CSMD2: variants seen among roughly 807,000 people sequenced by gnomAD.
CSMD2 encodes CUB and sushi domain-containing protein 2.
A neutral mutation model predicts 398.5 loss-of-function variants in CSMD2; 130 were observed. The ratio of observed to expected loss-of-function variants is 0.33; its 90% CI spans 0.28 to 0.38. CSMD2 has a LOEUF of 0.38. CSMD2 is among the 10% of genes least tolerant of loss of function. The pLI, the probability that CSMD2 is intolerant of heterozygous loss-of-function variation, is 1.00. For missense variants in CSMD2, 3,829 were observed against 4,764.9 expected (o/e 0.80, Z 5.78); for synonymous variants, 1,828 against 1,908.5 (o/e 0.96, Z 1.10).
At chr1:34,021,458 C>G (rs1305982509) in intron 3 of CSMD2, among the ~76,000 whole-genome samples, 1 of 152,176 alleles carries the variant, frequency 6.6e-6, no homozygotes, top group African/African-American at 2.4e-5. Flanking sequence ...GGTCCCCACC[C>G]AGTGGTTCTT....
At chr1:34,098,154 A>G (rs1659564017) in intron 1 of CSMD2, among the ~76,000 whole-genome samples, 3 of 125,344 alleles carry the variant, frequency 2.4e-5, no homozygotes, top group South Asian at 3.0e-4. Flanking sequence ...TCAGTAAACT[A>G]TCACAAGAAC....
intron 70 of CSMD2, among the ~76,000 whole-genome samples, chr1:33,517,418 G>A (rs1176815980): frequency 6.6e-6 from 1 of 152,196 alleles, no homozygotes; most frequent in African/African-American, 2.4e-5. Context: ...CAGGTGTGGA[G>A]CAAGAGTGAC....
At chr1:33,828,107 A>G (rs1318837833) in intron 6 of CSMD2, among the ~76,000 whole-genome samples, 1 of 152,216 alleles carries the variant, frequency 6.6e-6, no homozygotes, top group East Asian at 1.9e-4. Flanking sequence ...GATAAAATTC[A>G]GTTATTACCA....
intron 10 of CSMD2, among the ~76,000 whole-genome samples, chr1:33,805,488 T>A (rs1331550939): frequency 6.6e-6 from 1 of 152,200 alleles, no homozygotes; most frequent in Non-Finnish European, 1.5e-5. Context: ...GGTAAAATTT[T>A]AAAATGACAA....
At chr1:34,082,197 C>T (rs569323879) in intron 2 of CSMD2, among the ~76,000 whole-genome samples, 1,911 of 146,762 alleles carry the variant, frequency 0.013, 33 homozygotes, top group African/African-American at 0.043. Context: ...CGTCTCTACC[C>T]GGCCGCCACC....
chr1:33,725,047 C>T (rs1467343608), intron 17 of CSMD2, among the ~76,000 whole-genome samples: 1 of 152,224 alleles, frequency 6.6e-6, no homozygotes, highest in Non-Finnish European at 1.5e-5. Flanking sequence ...CTTGGGTTAA[C>T]TTCATGGTCA....
At chr1:33,700,836 C>A (rs1363080873) in intron 22 of CSMD2, among the ~76,000 whole-genome samples, 163 bp from the exon 23 acceptor site, 2 of 152,240 alleles carry the variant, frequency 1.3e-5, no homozygotes, top group African/African-American at 4.8e-5. Flanking sequence ...GGGAAGCTAT[C>A]AACTGAGCAA....
intron 4 of CSMD2, among the ~76,000 whole-genome samples, chr1:33,930,994 C>G (rs1012836914): frequency 6.6e-6 from 1 of 152,266 alleles, no homozygotes; most frequent in Non-Finnish European, 1.5e-5. Flanking sequence ...AAAACAGACA[C>G]ACACGGCTTT....
At chr1:33,566,155 GAA>G (rs1659038195) in intron 53 of CSMD2, among the ~76,000 whole-genome samples, 1 of 151,462 alleles carries the variant, frequency 6.6e-6, no homozygotes, top group Non-Finnish European at 1.5e-5. Context: ...CATAATCCAA[GAA>G]AAGTCTTTGG....
chr1:34,165,364 G>C (rs1436811133), upstream of CSMD2: 22 of 1,216,960 alleles, frequency 1.8e-5, no homozygotes, highest in East Asian at 7.6e-4. Context: ...CTCCGGAGCC[G>C]CTTCTCCGCC....
chr1:33,536,068 TA>T (rs1374569419), intron 62 of CSMD2, among the ~76,000 whole-genome samples: 2 of 152,184 alleles, frequency 1.3e-5, no homozygotes, highest in African/African-American at 4.8e-5. Flanking sequence ...TTCAGGGCCA[TA>T]AGCATGTGCC....
At chr1:33,770,577 T>C (rs1206496979) in intron 13 of CSMD2, among the ~76,000 whole-genome samples, 1 of 152,202 alleles carries the variant, frequency 6.6e-6, no homozygotes, top group Non-Finnish European at 1.5e-5. Context: ...ATCCCTGAGA[T>C]TCAAGCTGTG....
chr1:33,646,808 G>A lies in CSMD2; in HGVS notation c.4614C>T (p.Phe1538=), dbSNP rs1305446824. Residue 1538 remains phenylalanine, a synonymous_variant, in exon 29 of 71, where the codon TTC becomes TTT. Transcript: ENST00000373381. Reference sequence around the variant, plus strand: ...AGTCCCGTCCGTCGTAGATATGGAGGAAGTCATAGCCAGGCTCCAGGTTAA... The same window carrying A: ...AGTCCCGTCCGTCGTAGATATGGAGAAAGTCATAGCCAGGCTCCAGGTTAA... The part of the protein sequence containing the change: ...NIFNLEPGYD[F]LHIYDGRDSL... 2 of 1,613,182 alleles carry A rather than the reference G, an allele frequency of 1.2e-6. No individual in the cohort carries two copies. Among genetic ancestry groups the A allele is most frequent in the Non-Finnish European group, 1.7e-6 (2 of 1,179,536 alleles).
chr1:33,654,078 A>G (rs1448452011), intron 27 of CSMD2, among the ~76,000 whole-genome samples: 2 of 152,214 alleles, frequency 1.3e-5, no homozygotes, highest in South Asian at 2.1e-4. Context: ...AGGTCAGGCC[A>G]TAAGAGCCCT....
At chr1:33,886,314 A>AGGAG (rs1641589440) in intron 5 of CSMD2, among the ~76,000 whole-genome samples, 1 of 152,164 alleles carries the variant, frequency 6.6e-6, no homozygotes. Context: ...GGAGACAAGC[A>AGGAG]GGAGGCTGCT....
chr1:33,820,565 C>CAAAAAAAAAA lies in CSMD2; in HGVS notation c.1112-19_1112-10dup, dbSNP rs753962666. ...CACACCAACCTGAGTTACTACAAGG[C>CAAAAAAAAAA]AAAAAAAAAAAAAAAAAAAAAAACA... On this transcript the variant is annotated splice_polypyrimidine_tract_variant and intron_variant, in intron 7 of 70. Coordinates refer to ENST00000373381, the MANE Select transcript of CSMD2 (RefSeq NM_001281956.2). 74 of 444,380 alleles carry CAAAAAAAAAA rather than the reference C, an allele frequency of 1.7e-4. No homozygotes were observed. Among genetic ancestry groups the CAAAAAAAAAA allele is most frequent in the Admixed American group, 7.2e-4 (16 of 22,096 alleles). 27.5% of individuals were successfully genotyped at this position (444,380 alleles called of 1,614,324 possible).
chr1:34,082,267 CGCCTCTGCCCGGCTGCCCCGTCTG>C, intron 2 of CSMD2, among the ~76,000 whole-genome samples: 1 of 150,452 alleles, frequency 6.6e-6, no homozygotes, highest in Admixed American at 6.6e-5. Context: ...AACTGAGGAG[CGCCTCTGCCCGGCTGCCCCGTCTG>C]AGAAGTGAGG....
intron 13 of CSMD2, 49 bp from the exon 14 acceptor site, chr1:33,743,655 C>CAGCCCTCAGTGG: frequency 7.4e-7 from 1 of 1,349,988 alleles, no homozygotes; most frequent in Non-Finnish European, 1.0e-6. Flanking sequence ...AACATTCTGC[C>CAGCCCTCAGTGG]TGCACCACTG....
Position 33,646,851 on chromosome 1 carries a change from A to G in CSMD2, c.4587-16T>C. On this transcript the variant is annotated splice_polypyrimidine_tract_variant and intron_variant, in intron 28 of 70. Transcript: ENST00000373381. ...CAGGTTAAAGCTGGGGAACAAAAACATCCCACCCCCACCCCACTAAGGTCA... is the reference window on the plus strand; with the variant it reads ...CAGGTTAAAGCTGGGGAACAAAAACGTCCCACCCCCACCCCACTAAGGTCA... 1 of 1,598,636 alleles carries G rather than the reference A, an allele frequency of 6.3e-7. No homozygotes were observed. The highest frequency in any genetic ancestry group is 1.1e-5 in the South Asian group (1 of 89,082).
Sources: allele counts gnomAD v4.1 joint callset (sites outside exome capture counted in the v4.1 genomes callset), GRCh38; gene constraint gnomAD v4.1.1; transcripts MANE v1.5; gene names NCBI Gene and HGNC (gene_info 2026-07-23, HGNC 2026-07-21).